Variants in UBE3A observed in about 807,000 individuals in gnomAD.
UBE3A encodes the protein ubiquitin-protein ligase E3A.
UBE3A carries 6 observed loss-of-function variants against 83.4 expected under a neutral mutation model. The observed-to-expected ratio is 0.07, with a 90% CI of 0.04 to 0.14. The LOEUF is 0.14. Among genes scored for constraint, UBE3A ranks in the 10% least tolerant of loss-of-function variants. The pLI is 1.00. For missense variants in UBE3A, 456 were observed against 1,036.1 expected, an observed-to-expected ratio of 0.44 and a Z score of 7.69; for synonymous variants, 337 against 355.4, an observed-to-expected ratio of 0.95 and a Z score of 0.58.
intron 1 of UBE3A, among the ~76,000 whole-genome samples, chr15:25,424,232 T>G (rs1890670980): frequency 6.6e-6 from 1 of 152,154 alleles, no homozygotes; most frequent in Admixed American, 6.6e-5. Context: ...CCTCGAGTTC[T>G]TCAAACACAT....
intron 11 of UBE3A, among the ~76,000 whole-genome samples, chr15:25,341,319 C>T (rs1157468081): frequency 2.6e-5 from 4 of 151,950 alleles, no homozygotes; most frequent in East Asian, 3.9e-4. Context: ...GATCCGCCCA[C>T]CTTGGCCTCC....
intron 6 of UBE3A, among the ~76,000 whole-genome samples, chr15:25,366,029 C>T (rs1198665638): frequency 1.3e-5 from 2 of 152,128 alleles, no homozygotes; most frequent in Non-Finnish European, 2.9e-5. Context: ...TTTTAGATTT[C>T]ATTTTCCTCA....
chr15:25,334,063 C>G lies in UBE3A; in HGVS notation c.*5074G>C, dbSNP rs1388802493. The G allele has an allele frequency of 2.6e-5, 4 of 152,142 alleles. No homozygotes were observed. The highest frequency in any genetic ancestry group is 5.9e-5 in the Non-Finnish European group (4 of 68,012). 9.4% of individuals were successfully genotyped at this position (152,142 alleles called of 1,614,324 possible). ...AAAAAGATGTCTGCTCTTGTCACTT[C>G]TATCCAATATTGTACTGGAGGTGCT... is the stretch of plus-strand genomic sequence containing the variant. On this transcript the variant is annotated 3_prime_UTR_variant, in exon 13 of 13. Transcript: ENST00000648336.
At chr15:25,343,530 A>T (rs562640263) in intron 11 of UBE3A, among the ~76,000 whole-genome samples, 1 of 152,316 alleles carries the variant, frequency 6.6e-6, no homozygotes, top group Admixed American at 6.5e-5. Context: ...TATGACTAAA[A>T]TTTCTACTGA....
chr15:25,379,906 G>C (rs2081893613), intron 4 of UBE3A, among the ~76,000 whole-genome samples: 2 of 152,090 alleles, frequency 1.3e-5, no homozygotes, highest in Non-Finnish European at 2.9e-5. Flanking sequence ...AAGTGTACTG[G>C]AACATACCCA....
In UBE3A at chr15:25,354,510, A is replaced by G. The variant is rs200901786; in HGVS notation, c.2280+18T>C. The G allele has an allele frequency of 6.2e-7, 1 of 1,613,956 alleles. No homozygotes were observed. Among genetic ancestry groups the G allele is most frequent in the South Asian group, 1.1e-5 (1 of 91,084 alleles). ...AATAAATCGATACATGACTTTTTGC[A>G]GACACCTGCTTTCTTACCCGGCTTC... On this transcript the variant is annotated intron_variant, in intron 10 of 12. Coordinates refer to ENST00000648336, the MANE Select transcript of UBE3A (RefSeq NM_130839.5).
rs371572383 is a variant in UBE3A at position 25,336,606 on chromosome 15, T to C, written c.*2531A>G. On this transcript the variant is annotated 3_prime_UTR_variant, in exon 13 of 13. Transcript: ENST00000648336. ...TACAAGCAAGCATCCCCAAAAGTAG[T>C]TGTCTCAGGAAACCAGGGTTAGGAT... is the stretch of plus-strand genomic sequence containing the variant. 6.6e-6 allele frequency: 1 copy of C among 152,150 alleles called. No homozygotes were observed. Among genetic ancestry groups the C allele is most frequent in the African/African-American group, 2.4e-5 (1 of 41,448 alleles). 9.4% of individuals were successfully genotyped at this position (152,150 alleles called of 1,614,324 possible). A position where few individuals can be genotyped will look rare whatever the true frequency, so the allele number is the denominator to read the frequency against.
At chr15:25,389,623 G>A (rs2083871113) in intron 4 of UBE3A, among the ~76,000 whole-genome samples, 1 of 152,160 alleles carries the variant, frequency 6.6e-6, no homozygotes, top group South Asian at 2.1e-4. Flanking sequence ...GGCTGGGTGT[G>A]GTGGCTCACA....
At chr15:25,436,938 T>C (rs1895279739) in intron 1 of UBE3A, among the ~76,000 whole-genome samples, 1 of 152,140 alleles carries the variant, frequency 6.6e-6, no homozygotes, top group African/African-American at 2.4e-5. Flanking sequence ...TTAATAAATA[T>C]TGACACAGTA....
At chr15:25,396,139 T>A (rs1385750796) in intron 4 of UBE3A, among the ~76,000 whole-genome samples, 1 of 151,298 alleles carries the variant, frequency 6.6e-6, no homozygotes, top group African/African-American at 2.4e-5. Flanking sequence ...GAGGCAGGGG[T>A]TGCAGTGAGC....
At chr15:25,393,973 A>G (rs978316818) in intron 4 of UBE3A, 2 of 152,304 alleles carry the variant, frequency 1.3e-5, no homozygotes, top group African/African-American at 4.8e-5. Flanking sequence ...GGAACTTCTT[A>G]CTACTCAGTG....
chr15:25,351,247 G>C (rs534130141), intron 11 of UBE3A, among the ~76,000 whole-genome samples: 2 of 152,292 alleles, frequency 1.3e-5, no homozygotes, highest in South Asian at 4.1e-4. Flanking sequence ...TAGTCATAGA[G>C]TTGATGAGAA....
chr15:25,415,695 TTTA>T (rs1220307714), intron 1 of UBE3A: 1 of 152,048 alleles, frequency 6.6e-6, no homozygotes, highest in African/African-American at 2.4e-5. Flanking sequence ...TCTCCTTATA[TTTA>T]TTATGTTATA....
At chr15:25,373,632 A>G (rs1399775735) in intron 5 of UBE3A, 2 of 152,004 alleles carry the variant, frequency 1.3e-5, no homozygotes, top group Non-Finnish European at 2.9e-5. Context: ...GCACGCCACC[A>G]CAACTGGCTA....
At chr15:25,405,664 G>A in intron 3 of UBE3A, 162 bp from the exon 4 acceptor site, 1 of 724,414 alleles carries the variant, frequency 1.4e-6, no homozygotes, top group Non-Finnish European at 2.4e-6. Flanking sequence ...GTCAGATCAG[G>A]TGGCCATACA....
intron 1 of UBE3A, chr15:25,418,840 T>C (rs1238363260): frequency 6.6e-6 from 1 of 152,116 alleles, no homozygotes; most frequent in African/African-American, 2.4e-5. Flanking sequence ...TAGTGAGTCT[T>C]TCAATCCAAA....
chr15:25,423,805 G>A (rs1159274613), intron 1 of UBE3A, among the ~76,000 whole-genome samples: 2 of 152,042 alleles, frequency 1.3e-5, no homozygotes, highest in East Asian at 3.9e-4. Context: ...TCTCTCAGCT[G>A]CTCTGGTCAA....
At chr15:25,365,991 G>A (rs778713006) in intron 6 of UBE3A, among the ~76,000 whole-genome samples, 7 of 152,022 alleles carry the variant, frequency 4.6e-5, no homozygotes, top group Non-Finnish European at 1.0e-4. Context: ...TTCCAATTCT[G>A]CCATTAATTT....
chr15:25,396,785 A>C (rs2085675787), intron 4 of UBE3A, among the ~76,000 whole-genome samples: 3 of 152,082 alleles, frequency 2.0e-5, no homozygotes, highest in Admixed American at 2.0e-4. Context: ...GAGTATTAAT[A>C]ATTTTTTTTT....
Sources: allele counts gnomAD v4.1 joint callset (sites outside exome capture counted in the v4.1 genomes callset), GRCh38; gene constraint gnomAD v4.1.1; transcripts MANE v1.5; gene names NCBI Gene and HGNC (gene_info 2026-07-23, HGNC 2026-07-21).